Variants in ARAP2 observed in about 807,000 individuals in gnomAD.
ARAP2 encodes the protein ArfGAP with RhoGAP domain, ankyrin repeat and PH domain 2, also known as arf-GAP with Rho-GAP domain, ANK repeat and PH domain-containing protein 2.
In ARAP2, 148 loss-of-function variants were observed where a neutral mutation model predicts 194.5. The observed-to-expected ratio is 0.76, with a 90% confidence interval of 0.67 to 0.87. The LOEUF (loss-of-function observed/expected upper bound fraction) is 0.87, where lower values mean the gene tolerates loss of function less well. Among genes scored for constraint, ARAP2 ranks in the 40% least tolerant of loss-of-function variants. ARAP2 has a pLI of 0.00. For synonymous variants in ARAP2, 695 were observed against 683.5 expected, an observed-to-expected ratio of 1.02 and a Z score of -0.26; for missense variants, 2,128 against 1,989.7, an observed-to-expected ratio of 1.07 and a Z score of -1.32.
intron 8 of ARAP2, among the ~76,000 whole-genome samples, chr4:36,179,748 G>T (rs184286293): frequency 1.2e-3 from 187 of 152,326 alleles, no homozygotes; most frequent in Non-Finnish European, 1.0e-3. Context: ...AGACAGGTCT[G>T]CCCAGTGACT....
At chr4:36,226,563 T>C (rs749870427) in intron 2 of ARAP2, among the ~76,000 whole-genome samples, 1 of 152,064 alleles carries the variant, frequency 6.6e-6, no homozygotes, top group Non-Finnish European at 1.5e-5. Context: ...CTTTTTGCAA[T>C]TCATTATTTA....
intron 6 of ARAP2, among the ~76,000 whole-genome samples, chr4:36,204,329 A>G (rs531766891): frequency 1.4e-4 from 21 of 152,304 alleles, no homozygotes; most frequent in African/African-American, 4.8e-4. Flanking sequence ...TCCAGTTAAG[A>G]TTTCTAAAAC....
At chr4:36,143,130 C>A (rs988560334) in intron 19 of ARAP2, among the ~76,000 whole-genome samples, 1 of 151,590 alleles carries the variant, frequency 6.6e-6, no homozygotes, top group African/African-American at 2.4e-5. Flanking sequence ...GGGTGCTGTG[C>A]CTGTCACGTA....
At chr4:36,125,310 C>CA (rs1407819967) in intron 21 of ARAP2, among the ~76,000 whole-genome samples, 1 of 151,906 alleles carries the variant, frequency 6.6e-6, no homozygotes, top group Non-Finnish European at 1.5e-5. Flanking sequence ...ATTAATTACT[C>CA]AAACTGGAGT....
intron 5 of ARAP2, among the ~76,000 whole-genome samples, chr4:36,023,269 G>A (rs1717322459): frequency 6.6e-6 from 1 of 152,186 alleles, no homozygotes; most frequent in Admixed American, 6.6e-5. Context: ...CCCTTTGAGT[G>A]TGATGGAATG....
intron 1 of ARAP2, among the ~76,000 whole-genome samples, chr4:36,231,789 C>T (rs988929104): frequency 6.6e-6 from 1 of 152,098 alleles, no homozygotes; most frequent in African/African-American, 2.4e-5. Flanking sequence ...TATTATCCAC[C>T]ACACTCAAGG....
At chr4:36,076,209 T>C (rs1728218834) in intron 31 of ARAP2, among the ~76,000 whole-genome samples, 1 of 152,140 alleles carries the variant, frequency 6.6e-6, no homozygotes, top group South Asian at 2.1e-4. Flanking sequence ...TGAGAAGAAA[T>C]GTGCCACAGT....
intron 27 of ARAP2, among the ~76,000 whole-genome samples, chr4:36,096,733 A>G (rs915899901): frequency 1.3e-5 from 2 of 152,150 alleles, no homozygotes; most frequent in Non-Finnish European, 2.9e-5. Flanking sequence ...TTACTGAAAA[A>G]TATACTGCTA....
intron 6 of ARAP2, among the ~76,000 whole-genome samples, chr4:36,197,662 G>A (rs1743413444): frequency 6.6e-6 from 1 of 152,218 alleles, no homozygotes; most frequent in Admixed American, 6.5e-5. Flanking sequence ...GCCAGGTGTG[G>A]AGCAGTGAGG....
intron 27 of ARAP2, among the ~76,000 whole-genome samples, chr4:36,092,960 A>G (rs908598022): frequency 1.7e-4 from 26 of 152,158 alleles, no homozygotes; most frequent in Admixed American, 1.3e-4. Context: ...TAGAACATTT[A>G]CCCATCAATG....
intron 2 of ARAP2, among the ~76,000 whole-genome samples, chr4:36,215,631 G>C (rs890657233): frequency 1.3e-5 from 2 of 152,212 alleles, no homozygotes; most frequent in Non-Finnish European, 2.9e-5. Flanking sequence ...CTAGTGACAA[G>C]TGGTTTGCCC....
rs558698859 is a variant in ARAP2 at position 36,179,480 on chromosome 4, A to T, written c.1679-1475T>A. 8.5e-5 allele frequency among the ~76,000 whole-genome samples: 13 copies of T among 152,318 alleles called. No homozygotes were observed. The South Asian group carries it at 2.7e-3, about 32-fold the overall frequency. Reference sequence around the variant, plus strand: ...CTCATAGCACTATGTGAACAACAGTAACCTGTACGTAAGAAGACCCATGGA... The same window carrying T: ...CTCATAGCACTATGTGAACAACAGTTACCTGTACGTAAGAAGACCCATGGA... On this transcript the variant is annotated intron_variant, in intron 8 of 32. Transcript: ENST00000303965.
chr4:36,206,957 A>G (rs923602570), intron 6 of ARAP2, among the ~76,000 whole-genome samples: 1 of 152,262 alleles, frequency 6.6e-6, no homozygotes, highest in Non-Finnish European at 1.5e-5. Flanking sequence ...CAGTTTTTAT[A>G]AAGATGCTCT....
intron 5 of ARAP2, among the ~76,000 whole-genome samples, chr4:36,037,232 C>G (rs1291700131): frequency 6.6e-6 from 1 of 152,172 alleles, no homozygotes; most frequent in Non-Finnish European, 1.5e-5. Context: ...AATGCACTGA[C>G]ATTGTGGTGT....
intron 22 of ARAP2, 77 bp downstream of exon 22, chr4:36,124,785 T>C (rs1334885336): frequency 4.4e-6 from 4 of 915,882 alleles, no homozygotes; most frequent in Non-Finnish European, 6.8e-6. Flanking sequence ...CGTAGAAAGA[T>C]TCACAATCAC....
chr4:36,075,161 G>A (rs563446399), intron 31 of ARAP2, among the ~76,000 whole-genome samples: 6 of 152,186 alleles, frequency 3.9e-5, no homozygotes, highest in Non-Finnish European at 8.8e-5. Flanking sequence ...AGGGAATTAG[G>A]CAATTTTGTG....
At chr4:36,077,799 C>T (rs539482395) in intron 31 of ARAP2, among the ~76,000 whole-genome samples, 7 of 152,242 alleles carry the variant, frequency 4.6e-5, no homozygotes, top group Admixed American at 3.3e-4. Context: ...AAGCCTTCCT[C>T]ATCTCTAATA....
At chr4:36,009,887 G>T (rs1253273150) in intron 9 of ARAP2, among the ~76,000 whole-genome samples, 9 of 140,258 alleles carry the variant, frequency 6.4e-5, no homozygotes, top group Non-Finnish European at 1.5e-5. Flanking sequence ...TTTTGGCGGG[G>T]GGTAGGGGGG....
At chr4:36,056,247 TTC>T (rs1289583661) in intron 2 of ARAP2, among the ~76,000 whole-genome samples, 1 of 152,062 alleles carries the variant, frequency 6.6e-6, no homozygotes, top group African/African-American at 2.4e-5. Flanking sequence ...ATTTATAGAG[TTC>T]AATTTGTACC....
Sources: gnomAD v4.1 joint callset for allele counts (sites outside exome capture counted in the v4.1 genomes callset) on GRCh38, gnomAD v4.1.1 for gene constraint, MANE v1.5 for transcripts, NCBI Gene and HGNC (gene_info 2026-07-23, HGNC 2026-07-21) for gene names.